The following KDM6A variants were observed in gnomAD, a reference collection of about 807,000 sequenced individuals.
KDM6A encodes the protein lysine-specific demethylase 6A.
In KDM6A, 11 loss-of-function variants were observed where a neutral mutation model predicts 117.6. The observed-to-expected ratio is 0.09, with a 90% CI of 0.06 to 0.15. The LOEUF is 0.15. Among genes scored for constraint, KDM6A ranks in the 10% least tolerant of loss-of-function variants. The pLI is 1.00. For missense variants in KDM6A, 799 were observed against 1,077.3 expected, an observed-to-expected ratio of 0.74 and a Z score of 3.62; for synonymous variants, 384 against 396.1, an observed-to-expected ratio of 0.97 and a Z score of 0.36.
At chrX:44,993,068 CTT>C (rs941693320) in intron 4 of KDM6A, among the ~76,000 whole-genome samples, 16 of 111,769 alleles carry the variant, frequency 1.4e-4, no homozygotes, top group Non-Finnish European at 2.8e-4. Flanking sequence ...TGACTAAAAA[CTT>C]TTCATTGTCA....
intron 2 of KDM6A, among the ~76,000 whole-genome samples, chrX:44,920,814 A>C (rs921277606): frequency 1.8e-5 from 2 of 108,513 alleles, no homozygotes; most frequent in Admixed American, 2.0e-4. Context: ...TCTTGCTTTC[A>C]TGTCAAAACT....
chrX:45,047,014 A>G (rs1195745525), intron 8 of KDM6A, among the ~76,000 whole-genome samples: 2 of 102,886 alleles, frequency 1.9e-5, no homozygotes, highest in Non-Finnish European at 3.9e-5. Flanking sequence ...GGTGGTTTGG[A>G]GTGTCTAGTT....
At chrX:44,899,221 A>ATG (rs2034151760) in intron 2 of KDM6A, among the ~76,000 whole-genome samples, 1 of 11,110 alleles carries the variant, frequency 9.0e-5, no homozygotes, top group African/African-American at 6.0e-4. Context: ...GTGTGTGTGT[A>ATG]TGCGTGTGTG....
chrX:45,099,345 T>C (rs2148247170), intron 27 of KDM6A, among the ~76,000 whole-genome samples: 1 of 110,399 alleles, frequency 9.1e-6, no homozygotes, highest in South Asian at 3.9e-4. Context: ...AAGGTTCACA[T>C]TTAATTGAAT....
chrX:44,894,083 G>A (rs959355028), intron 2 of KDM6A, among the ~76,000 whole-genome samples: 2 of 111,658 alleles, frequency 1.8e-5, no homozygotes, highest in Non-Finnish European at 3.8e-5. Flanking sequence ...ACAAGAATAT[G>A]GATGAGTGTA....
chrX:44,936,254 A>G (rs1277029189), intron 2 of KDM6A, among the ~76,000 whole-genome samples: 2 of 111,267 alleles, frequency 1.8e-5, no homozygotes, highest in Non-Finnish European at 3.8e-5. Context: ...GCCCACCCAG[A>G]TAATGCAGGA....
At position 44,983,302 on chromosome X, in the gene KDM6A, C is replaced by T. The variant is rs1355821988; in HGVS notation, c.384+8587C>T. ...GAATCTGTGCTCATTTTCTGACTTTCCGGTGGCTTTTTCAGTTATACAGTT... is the reference window on the plus strand; with the variant it reads ...GAATCTGTGCTCATTTTCTGACTTTTCGGTGGCTTTTTCAGTTATACAGTT... On this transcript the variant is annotated intron_variant, in intron 4 of 29. Transcript: ENST00000611820. Among the ~76,000 whole-genome samples the T allele has an allele frequency of 5.4e-5, 6 of 111,631 alleles. No homozygotes were observed. In the East Asian group the frequency reaches 1.7e-3, roughly 31 times the overall value.
chrX:44,965,884 AG>A (rs1452898566), intron 3 of KDM6A, among the ~76,000 whole-genome samples: 1 of 111,964 alleles, frequency 8.9e-6, no homozygotes, highest in Non-Finnish European at 1.9e-5. Context: ...AGCACAATAA[AG>A]CAAAGTGCAA....
At chrX:45,035,847 C>T (rs1243732072) in intron 7 of KDM6A, among the ~76,000 whole-genome samples, 2 of 109,668 alleles carry the variant, frequency 1.8e-5, no homozygotes, top group Non-Finnish European at 3.8e-5. Context: ...CTACAGGTGC[C>T]TGCCACCATG....
chrX:45,109,110 A>G (rs1402900536), intron 28 of KDM6A, among the ~76,000 whole-genome samples: 1 of 105,289 alleles, frequency 9.5e-6, no homozygotes, highest in Non-Finnish European at 1.9e-5. Context: ...CCTAAAACTT[A>G]AAGTATAATT....
chrX:45,111,410 G>A lies in KDM6A; in HGVS notation c.4361G>A (p.Ter1454=). 8.4e-7 allele frequency: 1 copy of A among 1,193,838 alleles called. No homozygotes were observed. ...CCTCCATTACCATCCGCCTCATCTT[G>A]ATATTGTTCCATGGACATTAAATGA... ...LAPPLPSASS[*] The change falls in exon 30 of 30, where the codon TGA becomes TAA. Residue 1454 remains the stop codon, a stop_retained_variant. Transcript: ENST00000611820.
At chrX:44,919,880 G>T (rs766467324) in intron 2 of KDM6A, among the ~76,000 whole-genome samples, 65 of 111,604 alleles carry the variant, frequency 5.8e-4, no homozygotes, top group South Asian at 1.1e-3. Context: ...AAAGTGCTGG[G>T]ATTACAGGCG....
intron 4 of KDM6A, among the ~76,000 whole-genome samples, chrX:44,986,995 A>G (rs2040262595): frequency 9.0e-6 from 1 of 111,073 alleles, no homozygotes; most frequent in Non-Finnish European, 1.9e-5. Context: ...TGATCTGGCT[A>G]ATATTGACAG....
At chrX:45,044,725 C>A (rs377185638) in intron 8 of KDM6A, among the ~76,000 whole-genome samples, 1 of 111,831 alleles carries the variant, frequency 8.9e-6, no homozygotes, top group African/African-American at 3.2e-5. Flanking sequence ...TGTATCAGTA[C>A]GTGTAGAGCT....
chrX:44,979,221 C>A (rs748642960), intron 4 of KDM6A, among the ~76,000 whole-genome samples: 1 of 112,103 alleles, frequency 8.9e-6, no homozygotes, highest in African/African-American at 3.2e-5. Flanking sequence ...TTCGTTAGCA[C>A]TTGGTATTGT....
At chrX:45,023,708 T>C (rs866138486) in intron 6 of KDM6A, among the ~76,000 whole-genome samples, 72 of 111,565 alleles carry the variant, frequency 6.5e-4, no homozygotes, top group African/African-American at 2.3e-3. Context: ...AAAAGTTCTT[T>C]AGTGGTGATT....
chrX:44,916,472 C>T, intron 2 of KDM6A, among the ~76,000 whole-genome samples: 1 of 110,642 alleles, frequency 9.0e-6, no homozygotes, highest in South Asian at 3.9e-4. Flanking sequence ...AATTTTCCCC[C>T]TATGCTTTGG....
chrX:45,103,967 C>T (rs763917665), intron 27 of KDM6A, among the ~76,000 whole-genome samples: 1 of 110,456 alleles, frequency 9.1e-6, no homozygotes, highest in East Asian at 2.8e-4. Context: ...TTTCCATCTT[C>T]TATGTGTTTA....
intron 13 of KDM6A, 101 bp from the exon 14 acceptor site, chrX:45,060,508 C>A: frequency 1.5e-6 from 1 of 665,454 alleles, no homozygotes; most frequent in Non-Finnish European, 2.1e-6. Flanking sequence ...GCGATGTCCA[C>A]ATAGCTTTGA....
Sources: allele counts gnomAD v4.1 joint callset (sites outside exome capture counted in the v4.1 genomes callset), GRCh38; gene constraint gnomAD v4.1.1; transcripts MANE v1.5; gene names NCBI Gene and HGNC (gene_info 2026-07-23, HGNC 2026-07-21).